Variants in SLC4A10 observed in about 807,000 individuals in gnomAD.
SLC4A10 encodes the protein sodium-driven chloride bicarbonate exchanger.
Under a neutral mutation model 137.7 loss-of-function variants are expected in SLC4A10, and 42 were observed. That is an observed-to-expected ratio of 0.30 (90% CI 0.24 to 0.39). The LOEUF (loss-of-function observed/expected upper bound fraction) is 0.39, where lower values mean the gene tolerates loss of function less well. SLC4A10 is among the 10% of genes least tolerant of loss of function. The probability of loss-of-function intolerance (pLI) is 1.00; values close to 1 mark genes in which losing one functional copy is unlikely to be tolerated. For missense variants in SLC4A10, 925 were observed against 1,355.0 expected (o/e 0.68, Z 4.98); for synonymous variants, 474 against 464.1 (o/e 1.02, Z -0.27).
At chr2:161,855,960 A>G (rs1025123886) in intron 5 of SLC4A10, among the ~76,000 whole-genome samples, 2 of 152,134 alleles carry the variant, frequency 1.3e-5, no homozygotes, top group African/African-American at 4.8e-5. Flanking sequence ...TATTGTAGAG[A>G]TGAAAAACTA....
intron 1 of SLC4A10, among the ~76,000 whole-genome samples, chr2:161,659,344 A>G (rs925768534): frequency 1.2e-4 from 19 of 152,366 alleles, no homozygotes; most frequent in Middle Eastern, 3.4e-3. Flanking sequence ...ATGTGTACAC[A>G]TGGACAGAGA....
At chr2:161,909,401 G>T (rs540016380) in intron 15 of SLC4A10, among the ~76,000 whole-genome samples, 1 of 152,310 alleles carries the variant, frequency 6.6e-6, no homozygotes, top group Non-Finnish European at 1.5e-5. Flanking sequence ...AATGTGTGCT[G>T]ATGACTGTGT....
At chr2:161,739,816 C>T (rs1320014185) in intron 1 of SLC4A10, among the ~76,000 whole-genome samples, 1 of 152,184 alleles carries the variant, frequency 6.6e-6, no homozygotes, top group South Asian at 2.1e-4. Flanking sequence ...TATTGCAGTA[C>T]CCCCATTTCA....
chr2:161,856,397 A>C (rs1053812578), intron 5 of SLC4A10, among the ~76,000 whole-genome samples: 6 of 147,888 alleles, frequency 4.1e-5, no homozygotes, highest in Middle Eastern at 3.2e-3. Context: ...ACACACACAC[A>C]CCACACTGCC....
intron 1 of SLC4A10, 87 bp from the exon 2 acceptor site, chr2:161,770,886 G>A: frequency 1.1e-6 from 1 of 912,534 alleles, no homozygotes; most frequent in Non-Finnish European, 1.7e-6. Context: ...ATTAAGCCTT[G>A]AAATATTAAA....
intron 1 of SLC4A10, among the ~76,000 whole-genome samples, chr2:161,696,969 T>A (rs1467587997): frequency 6.6e-6 from 1 of 152,200 alleles, no homozygotes; most frequent in Non-Finnish European, 1.5e-5. Flanking sequence ...CAGCATCTGT[T>A]GTTTCCTGAC....
intron 1 of SLC4A10, among the ~76,000 whole-genome samples, chr2:161,674,839 T>C (rs1474081096): frequency 3.3e-5 from 5 of 152,152 alleles, no homozygotes; most frequent in Admixed American, 6.6e-5. Context: ...ATTAAAGAGC[T>C]TACATTCTAG....
At chr2:161,858,439 C>A (rs1352774701) in intron 5 of SLC4A10, among the ~76,000 whole-genome samples, 3 of 152,080 alleles carry the variant, frequency 2.0e-5, no homozygotes, top group Admixed American at 2.0e-4. Context: ...GTAGGATTTT[C>A]TTTTGGCTAA....
chr2:161,859,594 C>CTTTTT (rs72003642), intron 5 of SLC4A10, among the ~76,000 whole-genome samples: 860 of 47,348 alleles, frequency 0.018, 3 homozygotes, highest in Middle Eastern at 0.026. Flanking sequence ...CTTTTCTTTT[C>CTTTTT]TTTTTTTTTT....
At chr2:161,768,479 A>G (rs1305033570) in intron 1 of SLC4A10, among the ~76,000 whole-genome samples, 1 of 152,020 alleles carries the variant, frequency 6.6e-6, no homozygotes, top group Non-Finnish European at 1.5e-5. Flanking sequence ...GCAATGTAGC[A>G]AGATCCTTTC....
intron 25 of SLC4A10, chr2:161,977,362 A>G (rs2105991871): frequency 2.2e-6 from 1 of 463,546 alleles, no homozygotes; most frequent in East Asian, 6.6e-5. Flanking sequence ...AAAACTTTCA[A>G]CTCCTGAAAG....
At chr2:161,814,663 G>A (rs889653496) in intron 3 of SLC4A10, among the ~76,000 whole-genome samples, 1 of 152,078 alleles carries the variant, frequency 6.6e-6, no homozygotes, top group African/African-American at 2.4e-5. Flanking sequence ...AATTAATGCA[G>A]GAACAGAAAA....
At chr2:161,710,565 G>C (rs1436740857) in intron 1 of SLC4A10, 1 of 271,768 alleles carries the variant, frequency 3.7e-6, no homozygotes, top group Non-Finnish European at 7.6e-6. Context: ...AAAAAGCAAA[G>C]ACTGGTTAGA....
At chr2:161,967,592 C>T (rs756166623) in intron 23 of SLC4A10, among the ~76,000 whole-genome samples, 11 of 152,132 alleles carry the variant, frequency 7.2e-5, no homozygotes, top group Non-Finnish European at 1.0e-4. Flanking sequence ...TAATCCACCC[C>T]TACTATGGCC....
At chr2:161,675,799 A>G (rs907501331) in intron 1 of SLC4A10, among the ~76,000 whole-genome samples, 1 of 152,198 alleles carries the variant, frequency 6.6e-6, no homozygotes, top group Non-Finnish European at 1.5e-5. Flanking sequence ...TTACTGAAAA[A>G]TCATGAAAAA....
At chr2:161,862,748 G>T (rs1382355211) in intron 5 of SLC4A10, 126 bp from the exon 6 acceptor site, 8 of 678,380 alleles carry the variant, frequency 1.2e-5, no homozygotes, top group Non-Finnish European at 1.7e-5. Context: ...ATTTTTTAAA[G>T]AAGTTATTTC....
chr2:161,812,895 A>G (rs915282678), intron 3 of SLC4A10, among the ~76,000 whole-genome samples: 42 of 152,018 alleles, frequency 2.8e-4, no homozygotes, highest in African/African-American at 9.9e-4. Flanking sequence ...TTAGTCTTTT[A>G]TATTACCATT....
intron 1 of SLC4A10, among the ~76,000 whole-genome samples, chr2:161,761,245 G>T (rs904555428): frequency 5.9e-5 from 9 of 152,020 alleles, no homozygotes; most frequent in Admixed American, 5.9e-4. Context: ...GGGAGAATCG[G>T]CAACAGAGAG....
At chr2:161,718,218 A>G (rs549097432) in intron 1 of SLC4A10, among the ~76,000 whole-genome samples, 3 of 151,606 alleles carry the variant, frequency 2.0e-5, no homozygotes, top group South Asian at 2.1e-4. Flanking sequence ...TGGTCTAGCT[A>G]TTTTATTAAT....
Sources: allele counts gnomAD v4.1 joint callset (sites outside exome capture counted in the v4.1 genomes callset), GRCh38; gene constraint gnomAD v4.1.1; transcripts MANE v1.5; gene names NCBI Gene and HGNC (gene_info 2026-07-23, HGNC 2026-07-21).